ZC3H14: variants seen among roughly 807,000 people sequenced by gnomAD.
ZC3H14 encodes zinc finger CCCH domain-containing protein 14.
In ZC3H14, 31 loss-of-function variants were observed where a neutral mutation model predicts 92.4. That is an observed-to-expected ratio of 0.34 (90% CI 0.25 to 0.45). ZC3H14 has a LOEUF of 0.45. ZC3H14 is among the 20% of genes least tolerant of loss of function. The pLI is 1.00. For synonymous variants in ZC3H14, 321 were observed against 300.9 expected, an observed-to-expected ratio of 1.07 and a Z score of -0.69; for missense variants, 781 against 897.3, an observed-to-expected ratio of 0.87 and a Z score of 1.66.
chr14:88,570,990 A>C (rs1018939301), intron 3 of ZC3H14, 94 bp from the exon 4 acceptor site: 1 of 994,478 alleles, frequency 1.0e-6, no homozygotes, highest in African/African-American at 1.7e-5. Context: ...TTAAAAAATT[A>C]TCTCTGAATA....
Position 88,616,098 on chromosome 14 carries a change from C to T in ZC3H14, c.*4347C>T, listed in dbSNP as rs2087567211. 1 of 1,585,942 alleles carries T rather than the reference C, an allele frequency of 6.3e-7. No homozygotes were observed. Among genetic ancestry groups the T allele is most frequent in the East Asian group, 2.2e-5 (1 of 44,758 alleles). ...GGAGTTGTTGTATTAAGTCTCTTAA[C>T]TAGTAACATAGTCTGCTCTTCATGG... On this transcript the variant is annotated 3_prime_UTR_variant, in exon 17 of 17. Transcript: ENST00000251038.
At chr14:88,570,721 A>G (rs1276237539) in intron 3 of ZC3H14, among the ~76,000 whole-genome samples, 3 of 152,248 alleles carry the variant, frequency 2.0e-5, no homozygotes, top group East Asian at 1.9e-4. Flanking sequence ...GAAGAAAAAA[A>G]TACAATTTTT....
intron 2 of ZC3H14, among the ~76,000 whole-genome samples, chr14:88,566,442 T>A (rs1170166573): frequency 1.3e-5 from 2 of 152,122 alleles, no homozygotes; most frequent in Non-Finnish European, 2.9e-5. Flanking sequence ...GTTGTCAGGA[T>A]TGTTGGAAGA....
chr14:88,622,894 C>A lies in ZC3H14; in HGVS notation c.*11143C>A. The A allele has an allele frequency of 2.2e-6, 1 of 449,636 alleles. No individual in the cohort carries two copies. The allele number at this position is 449,636 out of a possible 1,614,324, so 27.9% of individuals were successfully genotyped here. On this transcript the variant is annotated 3_prime_UTR_variant, in exon 17 of 17. Transcript: ENST00000251038. Reference sequence around the variant, plus strand: ...GGCAATTTGAGGATATACTATATCTCAGTCAAAATAAACATCCAGTTTCAG... The same window carrying A: ...GGCAATTTGAGGATATACTATATCTAAGTCAAAATAAACATCCAGTTTCAG...
intron 9 of ZC3H14, among the ~76,000 whole-genome samples, chr14:88,585,941 G>A (rs2082420491): frequency 6.6e-6 from 1 of 152,144 alleles, no homozygotes; most frequent in African/African-American, 2.4e-5. Flanking sequence ...GGCTGAGGCG[G>A]GTGGATCACC....
chr14:88,580,964 A>G (rs558088569), intron 9 of ZC3H14, among the ~76,000 whole-genome samples: 1 of 152,296 alleles, frequency 6.6e-6, no homozygotes, highest in African/African-American at 2.4e-5. Flanking sequence ...CCAAGAATTT[A>G]ATGTCCAGCA....
chr14:88,602,762 CTT>C, intron 11 of ZC3H14, 64 bp from the exon 12 acceptor site: 1 of 1,540,452 alleles, frequency 6.5e-7, no homozygotes, highest in Non-Finnish European at 8.9e-7. Flanking sequence ...CTGAAGAGCA[CTT>C]TAGGGGGCTC....
Position 88,621,961 on chromosome 14 carries a change from T to C in ZC3H14, c.*10210T>C. ...ATAGTCATCCTACAGTACTACAGAA[T>C]ACTAAAACATACTATTCCTATCTGG... is the stretch of plus-strand genomic sequence containing the variant. On this transcript the variant is annotated 3_prime_UTR_variant, in exon 17 of 17. Coordinates refer to ENST00000251038, the MANE Select transcript of ZC3H14 (RefSeq NM_024824.5). 1 of 442,072 alleles carries C rather than the reference T, an allele frequency of 2.3e-6. No homozygotes were observed. The highest frequency in any genetic ancestry group is 4.6e-6 in the Non-Finnish European group (1 of 219,628). The allele number at this position is 442,072 out of a possible 1,614,324, so 27.4% of individuals were successfully genotyped here.
intron 9 of ZC3H14, 146 bp from the exon 10 acceptor site, chr14:88,596,588 T>C: frequency 4.2e-6 from 3 of 721,248 alleles, no homozygotes; most frequent in South Asian, 1.6e-5. Context: ...GTCTTTGGTC[T>C]ATAAATACTA....
At chr14:88,570,736 G>A (rs1000313428) in intron 3 of ZC3H14, among the ~76,000 whole-genome samples, 3 of 152,136 alleles carry the variant, frequency 2.0e-5, no homozygotes, top group African/African-American at 7.2e-5. Context: ...ATTTTTTATT[G>A]ACTTCTGTAG....
In ZC3H14 at chr14:88,592,561, C is replaced by T. The variant is rs183724753; in HGVS notation, c.1280-4173C>T. On this transcript the variant is annotated intron_variant, in intron 9 of 16. Transcript: ENST00000251038. ...TGTCACCCAGGCTGCAGTGCAGTGGCGCAGTCTCACTCACCGCAGCCTCTG... is the reference window on the plus strand; with the variant it reads ...TGTCACCCAGGCTGCAGTGCAGTGGTGCAGTCTCACTCACCGCAGCCTCTG... Among the ~76,000 whole-genome samples the T allele has an allele frequency of 4.4e-4, 60 of 137,298 alleles. 2 individuals carry two copies. The highest frequency in any genetic ancestry group is 2.1e-3 in the Admixed American group (26 of 12,238). 90.1% of individuals were successfully genotyped at this position (137,298 alleles called of 152,430 possible).
chr14:88,585,706 A>C (rs1156255099), intron 9 of ZC3H14, among the ~76,000 whole-genome samples: 3 of 152,064 alleles, frequency 2.0e-5, no homozygotes, highest in Non-Finnish European at 4.4e-5. Context: ...CTGTTCTTTT[A>C]GTCGTTACCA....
intron 10 of ZC3H14, among the ~76,000 whole-genome samples, chr14:88,601,703 G>A (rs776257178): frequency 6.6e-6 from 1 of 152,136 alleles, no homozygotes; most frequent in Non-Finnish European, 1.5e-5. Flanking sequence ...GTGTTAATCA[G>A]AATCACTTGT....
At chr14:88,594,379 T>A (rs1259790378) in intron 9 of ZC3H14, 74 of 1,051,790 alleles carry the variant, frequency 7.0e-5, no homozygotes, top group Non-Finnish European at 7.9e-5. Context: ...GAAACCAGGA[T>A]TATTTTGTAT....
At chr14:88,599,407 C>T (rs1014865396) in intron 10 of ZC3H14, among the ~76,000 whole-genome samples, 1 of 152,156 alleles carries the variant, frequency 6.6e-6, no homozygotes, top group Admixed American at 6.5e-5. Flanking sequence ...TGTGGGCTTT[C>T]AGGAGGGAAC....
chr14:88,606,883 T>G (rs35346328), intron 12 of ZC3H14, among the ~76,000 whole-genome samples: 1 of 151,994 alleles, frequency 6.6e-6, no homozygotes, highest in East Asian at 1.9e-4. Flanking sequence ...CATCTCCTTA[T>G]CACCTTACCT....
Position 88,596,771 on chromosome 14 carries a change from C to T in ZC3H14, c.1317C>T (p.Ile439=), listed in dbSNP as rs535357167. 6 of 1,613,996 alleles carry T rather than the reference C, an allele frequency of 3.7e-6. No individual in the cohort carries two copies. Among genetic ancestry groups the T allele is most frequent in the African/African-American group, 2.7e-5 (2 of 75,008 alleles). Residue 439 remains isoleucine, a synonymous_variant, in exon 10 of 17, where the codon ATC becomes ATT. Transcript: ENST00000251038. ...QQRQLLSRLQ[I]DPVMAETLQM... is the part of the protein sequence containing the mutation. The stretch of plus-strand genomic sequence containing the variant: ...GGCAATTATTATCCCGACTGCAAAT[C>T]GACCCAGTAATGGCAGAAACTCTGC...
At chr14:88,575,315 A>T (rs934447046) in intron 7 of ZC3H14, among the ~76,000 whole-genome samples, 2 of 152,180 alleles carry the variant, frequency 1.3e-5, no homozygotes, top group African/African-American at 4.8e-5. Flanking sequence ...ATTGCTTAAC[A>T]TTGGAGAGGA....
intron 13 of ZC3H14, chr14:88,608,369 A>G: frequency 2.2e-6 from 1 of 451,608 alleles, no homozygotes; most frequent in Admixed American, 2.3e-5. Flanking sequence ...CCTGCAAGTC[A>G]TAGCCAGCTG....
Sources: gnomAD v4.1 joint callset for allele counts (sites outside exome capture counted in the v4.1 genomes callset) on GRCh38, gnomAD v4.1.1 for gene constraint, MANE v1.5 for transcripts, NCBI Gene and HGNC (gene_info 2026-07-23, HGNC 2026-07-21) for gene names.